Variants in CRADD observed in about 807,000 individuals in gnomAD.
CRADD encodes CARD and death domain containing adaptor protein.
Under a neutral mutation model 15.5 loss-of-function variants are expected in CRADD, and 9 were observed. The ratio of observed to expected loss-of-function variants is 0.58; its 90% confidence interval spans 0.35 to 1.01. The LOEUF (loss-of-function observed/expected upper bound fraction) is 1.01, where lower values mean the gene tolerates loss of function less well. Among genes scored for constraint, CRADD ranks in the 50% least tolerant of loss-of-function variants. The pLI, the probability that CRADD is intolerant of heterozygous loss-of-function variation, is 0.02. For synonymous variants in CRADD, 118 were observed against 107.6 expected, an observed-to-expected ratio of 1.10 and a Z score of -0.60; for missense variants, 227 against 250.3, an observed-to-expected ratio of 0.91 and a Z score of 0.63.
intron 2 of CRADD, among the ~76,000 whole-genome samples, chr12:93,831,880 C>T (rs1220619756): frequency 6.6e-6 from 1 of 152,242 alleles, no homozygotes; most frequent in Non-Finnish European, 1.5e-5. Flanking sequence ...AGACAGTCAT[C>T]TTCCTTGTTC....
chr12:93,845,576 A>ATTT (rs1430738405), intron 2 of CRADD, among the ~76,000 whole-genome samples: 920 of 66,558 alleles, frequency 0.014, 14 homozygotes, highest in African/African-American at 0.05. Context: ...ATATATATAT[A>ATTT]TATTTTTAAT....
intron 2 of CRADD, among the ~76,000 whole-genome samples, chr12:93,849,740 C>CAAAA (rs77041843): frequency 1.6e-5 from 1 of 62,252 alleles, no homozygotes; most frequent in African/African-American, 5.2e-5. Context: ...AACACCGTCT[C>CAAAA]AAAAAAAAAA....
intron 2 of CRADD, among the ~76,000 whole-genome samples, chr12:93,861,914 G>A (rs7958211): frequency 0.45 from 68,592 of 151,920 alleles, 15,871 homozygotes; most frequent in Middle Eastern, 0.54. Flanking sequence ...CCCAGGTGTC[G>A]AGGGCAAGGC....
intron 2 of CRADD, among the ~76,000 whole-genome samples, chr12:93,800,198 G>A (rs1957461936): frequency 6.6e-6 from 1 of 152,158 alleles, no homozygotes; most frequent in Admixed American, 6.6e-5. Context: ...GTATGTGTGT[G>A]TGTCGGGGTA....
At chr12:93,740,561 C>T (rs549899043) in intron 2 of CRADD, among the ~76,000 whole-genome samples, 13 of 152,044 alleles carry the variant, frequency 8.6e-5, no homozygotes, top group African/African-American at 3.1e-4. Flanking sequence ...TATTTGTTGC[C>T]ATGATTAATA....
chr12:93,689,396 G>GT (rs1041492699), intron 2 of CRADD, among the ~76,000 whole-genome samples: 1 of 152,020 alleles, frequency 6.6e-6, no homozygotes, highest in Admixed American at 6.6e-5. Flanking sequence ...TTGTTCCTCA[G>GT]TTTAAGCAGT....
At chr12:93,793,729 G>T (rs1236267723) in intron 2 of CRADD, among the ~76,000 whole-genome samples, 1 of 152,116 alleles carries the variant, frequency 6.6e-6, no homozygotes, top group Non-Finnish European at 1.5e-5. Context: ...GTGGGATGAG[G>T]GGCAGATAAT....
At chr12:93,699,618 C>A (rs10859557) in intron 2 of CRADD, among the ~76,000 whole-genome samples, 55,228 of 152,054 alleles carry the variant, frequency 0.36, 11,240 homozygotes, top group East Asian at 0.57. Flanking sequence ...TGAAGGAAAT[C>A]TTTTGTCATT....
intron 2 of CRADD, among the ~76,000 whole-genome samples, chr12:93,682,601 T>G (rs1304178272): frequency 1.3e-5 from 2 of 152,234 alleles, no homozygotes; most frequent in African/African-American, 4.8e-5. Flanking sequence ...AATTTTGAGC[T>G]GTCTCAGAGG....
At chr12:93,852,939 C>T (rs1958240918), downstream of CRADD, among the ~76,000 whole-genome samples, 1 of 151,076 alleles carries the variant, frequency 6.6e-6, no homozygotes, top group African/African-American at 2.4e-5. Flanking sequence ...ACATGAAGTA[C>T]ATGTTTATTA....
intron 2 of CRADD, among the ~76,000 whole-genome samples, chr12:93,695,685 C>T (rs529156686): frequency 6.4e-4 from 98 of 152,238 alleles, no homozygotes; most frequent in African/African-American, 2.2e-3. Context: ...GGTGGCTTGT[C>T]TGAGGTCAAG....
At chr12:93,717,904 G>C (rs1007209773) in intron 2 of CRADD, among the ~76,000 whole-genome samples, 2 of 152,162 alleles carry the variant, frequency 1.3e-5, no homozygotes, top group Non-Finnish European at 2.9e-5. Context: ...TGGATGTTCA[G>C]TTGTTCCAGC....
At chr12:93,696,756 C>A (rs1039108838) in intron 2 of CRADD, among the ~76,000 whole-genome samples, 37 of 147,584 alleles carry the variant, frequency 2.5e-4, no homozygotes, top group South Asian at 6.4e-4. Context: ...AAAAAAAAAA[C>A]CACAATAAAA....
At chr12:93,759,567 A>G (rs1956927198) in intron 2 of CRADD, among the ~76,000 whole-genome samples, 1 of 152,038 alleles carries the variant, frequency 6.6e-6, no homozygotes, top group Non-Finnish European at 1.5e-5. Flanking sequence ...ACTTTGTTGC[A>G]CTTTGCCCTC....
chr12:93,691,317 G>A (rs1164155461), intron 2 of CRADD, among the ~76,000 whole-genome samples: 1 of 150,796 alleles, frequency 6.6e-6, no homozygotes, highest in African/African-American at 2.4e-5. Context: ...GCAATGGCGC[G>A]ATCCTGGCTC....
intron 2 of CRADD, among the ~76,000 whole-genome samples, chr12:93,734,927 G>T (rs1214127571): frequency 6.6e-6 from 1 of 152,116 alleles, no homozygotes; most frequent in Non-Finnish European, 1.5e-5. Context: ...CCCTGCCAAG[G>T]TTAGGTCCCT....
chr12:93,800,378 A>G (rs1364376228), intron 2 of CRADD, among the ~76,000 whole-genome samples: 2 of 152,098 alleles, frequency 1.3e-5, no homozygotes, highest in African/African-American at 4.8e-5. Context: ...TACAGACTGG[A>G]TGGTACCCAC....
At chr12:93,685,816 A>AC (rs1367491848) in intron 2 of CRADD, among the ~76,000 whole-genome samples, 1 of 150,260 alleles carries the variant, frequency 6.7e-6, no homozygotes, top group Non-Finnish European at 1.5e-5. Context: ...ACATGGTGAA[A>AC]CCCCCATCTC....
At chr12:93,856,586 G>A (rs965315945) in intron 2 of CRADD, among the ~76,000 whole-genome samples, 1 of 152,210 alleles carries the variant, frequency 6.6e-6, no homozygotes, top group African/African-American at 2.4e-5. Context: ...ATGGGCAGCA[G>A]AATCCCATTT....
Sources: gnomAD v4.1 joint callset for allele counts (sites outside exome capture counted in the v4.1 genomes callset) on GRCh38, gnomAD v4.1.1 for gene constraint, MANE v1.5 for transcripts, NCBI Gene and HGNC (gene_info 2026-07-23, HGNC 2026-07-21) for gene names.